MGAT4C: variants seen among roughly 807,000 people sequenced by gnomAD.
The protein encoded by MGAT4C is alpha-1,3-mannosyl-glycoprotein 4-beta-N-acetylglucosaminyltransferase C.
In MGAT4C, 19 loss-of-function variants were observed where a neutral mutation model predicts 40.1. The observed-to-expected ratio is 0.47, with a 90% CI of 0.33 to 0.70. The LOEUF (loss-of-function observed/expected upper bound fraction) is 0.70, where lower values mean the gene tolerates loss of function less well. Ranked by LOEUF, MGAT4C falls within the 30% of genes least tolerant of loss-of-function variation. The probability of loss-of-function intolerance (pLI) is 0.02; values close to 1 mark genes in which losing one functional copy is unlikely to be tolerated. For missense variants in MGAT4C, 491 were observed against 563.2 expected (o/e 0.87, Z 1.30); for synonymous variants, 181 against 187.1 (o/e 0.97, Z 0.27).
chr12:86,551,966 A>G lies in MGAT4C; in HGVS notation c.-228-116701T>C, dbSNP rs555036543. On this transcript the variant is annotated intron_variant, in intron 2 of 7. Transcript: ENST00000548651. ...CTTCCCCTAGAAAACCCCCTCCATA[A>G]AGTTGGAAGAGGTAACTGTTTTACC... is the stretch of plus-strand genomic sequence containing the variant. Among the ~76,000 whole-genome samples, 4 of 151,682 alleles carry G rather than the reference A, an allele frequency of 2.6e-5. No homozygotes were observed. In the South Asian group the frequency reaches 8.4e-4, roughly 32 times the overall value.
chr12:86,138,660 T>G (rs1882386434), intron 1 of MGAT4C, among the ~76,000 whole-genome samples: 1 of 147,628 alleles, frequency 6.8e-6, no homozygotes, highest in Admixed American at 6.9e-5. Context: ...TATTTCCATA[T>G]ATATCATATA....
At chr12:86,589,782 A>T (rs1961244569) in intron 2 of MGAT4C, among the ~76,000 whole-genome samples, 1 of 152,022 alleles carries the variant, frequency 6.6e-6, no homozygotes, top group Admixed American at 6.6e-5. Context: ...TCCAGCATAT[A>T]AACAGAACCC....
chr12:86,335,241 C>T (rs1954757519), intron 3 of MGAT4C, among the ~76,000 whole-genome samples: 1 of 151,976 alleles, frequency 6.6e-6, no homozygotes, highest in Admixed American at 6.6e-5. Flanking sequence ...CCTCTTTTTA[C>T]TTAGAACATT....
chr12:85,974,646 A>T lies in MGAT4C; in HGVS notation c.*4643T>A, dbSNP rs1438252293. ...AAAGCATGCCAAAAAGTAATAAAAG[A>T]TATATCCTCTGTTTGGGATAAATAA... On this transcript the variant is annotated 3_prime_UTR_variant, in exon 5 of 5. Transcript: ENST00000611864. 1 of 150,724 alleles carries T rather than the reference A, an allele frequency of 6.6e-6. No individual in the cohort carries two copies. Among genetic ancestry groups the T allele is most frequent in the East Asian group, 1.9e-4 (1 of 5,188 alleles). 9.3% of individuals were successfully genotyped at this position (150,724 alleles called of 1,614,324 possible).
intron 4 of MGAT4C, among the ~76,000 whole-genome samples, chr12:86,330,447 G>A (rs998114730): frequency 2.0e-5 from 3 of 152,166 alleles, no homozygotes; most frequent in African/African-American, 7.2e-5. Flanking sequence ...CTGTCAAGGA[G>A]TGCCAGCCAG....
At chr12:86,216,709 G>GA (rs1033524869) in intron 1 of MGAT4C, among the ~76,000 whole-genome samples, 9 of 152,136 alleles carry the variant, frequency 5.9e-5, no homozygotes, top group Admixed American at 4.6e-4. Flanking sequence ...TATTCTGTTA[G>GA]AAAAACTAAC....
chr12:86,133,786 T>A (rs1881574051), intron 1 of MGAT4C, among the ~76,000 whole-genome samples: 1 of 152,112 alleles, frequency 6.6e-6, no homozygotes, highest in Non-Finnish European at 1.5e-5. Context: ...GGTAAAAATA[T>A]CTGTAAGAAT....
At chr12:86,390,087 A>T (rs541486665) in intron 3 of MGAT4C, among the ~76,000 whole-genome samples, 1 of 152,272 alleles carries the variant, frequency 6.6e-6, no homozygotes, top group African/African-American at 2.4e-5. Flanking sequence ...GCTGACCTTG[A>T]TTCAACTGAG....
chr12:86,644,337 C>T (rs1431972065), intron 2 of MGAT4C, among the ~76,000 whole-genome samples: 1 of 151,646 alleles, frequency 6.6e-6, no homozygotes, highest in Non-Finnish European at 1.5e-5. Flanking sequence ...TTAAAATGGT[C>T]AGTCACATTA....
rs371046317 is a variant in MGAT4C at position 86,314,657 on chromosome 12, T to C, written c.-57+19408A>G. 9.2e-5 allele frequency among the ~76,000 whole-genome samples: 14 copies of C among 152,356 alleles called. No homozygotes were observed. In the East Asian group the frequency reaches 2.5e-3, roughly 27 times the overall value. ...ATTTCTGCCAATAATCAGTAGCATT[T>C]CAGGCAAAAACCAGTAGCAGATTCT... is the stretch of plus-strand genomic sequence containing the variant. On this transcript the variant is annotated intron_variant, in intron 4 of 7. Coordinates refer to the MGAT4C transcript ENST00000548651.
intron 2 of MGAT4C, among the ~76,000 whole-genome samples, chr12:86,562,911 T>TA (rs1565850844): frequency 6.6e-6 from 1 of 152,166 alleles, no homozygotes; most frequent in Non-Finnish European, 1.5e-5. Context: ...AAGGTCCTAA[T>TA]AGTTTATATA....
chr12:86,463,672 ATTTGT>A (rs1481908593), intron 2 of MGAT4C, among the ~76,000 whole-genome samples: 1 of 152,120 alleles, frequency 6.6e-6, no homozygotes, highest in Non-Finnish European at 1.5e-5. Context: ...ATTCATTTTT[ATTTGT>A]TTTAATTCCT....
At chr12:86,518,113 T>G (rs988813258) in intron 2 of MGAT4C, among the ~76,000 whole-genome samples, 1 of 152,116 alleles carries the variant, frequency 6.6e-6, no homozygotes, top group Non-Finnish European at 1.5e-5. Flanking sequence ...AACTGTCAAA[T>G]AAACCATTAA....
intron 2 of MGAT4C, among the ~76,000 whole-genome samples, chr12:86,665,313 G>C (rs1235235592): frequency 6.6e-6 from 1 of 152,050 alleles, no homozygotes; most frequent in Non-Finnish European, 1.5e-5. Context: ...ACTGATTCTG[G>C]GAAAATGCTG....
chr12:86,728,656 C>T (rs1343854018), intron 1 of MGAT4C, among the ~76,000 whole-genome samples: 1 of 152,038 alleles, frequency 6.6e-6, no homozygotes, highest in Non-Finnish European at 1.5e-5. Context: ...TCGTCACTGC[C>T]CTCCAGCCTG....
intron 2 of MGAT4C, among the ~76,000 whole-genome samples, chr12:86,683,165 C>T (rs966490820): frequency 5.3e-5 from 8 of 151,882 alleles, no homozygotes; most frequent in African/African-American, 1.9e-4. Context: ...CATAAAATAC[C>T]TCATAGGGTG....
At chr12:86,077,670 A>G (rs1035350197) in intron 1 of MGAT4C, among the ~76,000 whole-genome samples, 1 of 152,286 alleles carries the variant, frequency 6.6e-6, no homozygotes, top group Middle Eastern at 3.4e-3. Context: ...GGAGTGACCC[A>G]AACCTTCATA....
chr12:86,253,436 T>C (rs971764994), intron 1 of MGAT4C, among the ~76,000 whole-genome samples: 15 of 152,082 alleles, frequency 9.9e-5, no homozygotes, highest in Non-Finnish European at 2.2e-4. Context: ...CTCCATTTAC[T>C]GACTTACTGA....
At chr12:86,211,931 C>T (rs1212603463) in intron 1 of MGAT4C, among the ~76,000 whole-genome samples, 2 of 152,078 alleles carry the variant, frequency 1.3e-5, no homozygotes, top group Non-Finnish European at 2.9e-5. Flanking sequence ...ATGTTTAGTC[C>T]TTTAATTTTG....
Sources: gnomAD v4.1 joint callset for allele counts (sites outside exome capture counted in the v4.1 genomes callset) on GRCh38, gnomAD v4.1.1 for gene constraint, MANE v1.5 for transcripts, NCBI Gene and HGNC (gene_info 2026-07-23, HGNC 2026-07-21) for gene names.